Variants in FMN2 observed in about 807,000 individuals in gnomAD.
FMN2 encodes formin-2.
A neutral mutation model predicts 142.3 loss-of-function variants in FMN2; 51 were observed. That is an observed-to-expected ratio of 0.36 (90% CI 0.29 to 0.45). The LOEUF (loss-of-function observed/expected upper bound fraction) is 0.45. FMN2 is among the 20% of genes least tolerant of loss of function. FMN2 has a pLI of 1.00. For missense variants in FMN2, 1,936 were observed against 2,122.8 expected (o/e 0.91, Z 1.73); for synonymous variants, 882 against 869.8 (o/e 1.01, Z -0.25).
intron 6 of FMN2, among the ~76,000 whole-genome samples, chr1:240,244,343 T>G (rs1429750432): frequency 6.6e-6 from 1 of 152,212 alleles, no homozygotes; most frequent in Admixed American, 6.5e-5. Flanking sequence ...TTTTACTAGC[T>G]TGTAAGAAAT....
At chr1:240,383,085 A>G (rs1205449937) in intron 14 of FMN2, among the ~76,000 whole-genome samples, 1 of 152,178 alleles carries the variant, frequency 6.6e-6, no homozygotes, top group Non-Finnish European at 1.5e-5. Context: ...ACTGGACCCC[A>G]GTCTCTCACC....
At chr1:240,390,294 C>T (rs1673561321) in intron 14 of FMN2, among the ~76,000 whole-genome samples, 1 of 152,050 alleles carries the variant, frequency 6.6e-6, no homozygotes, top group African/African-American at 2.4e-5. Flanking sequence ...TCCAGTTTGT[C>T]TTTATGATTG....
rs1054810793 is a variant in FMN2, at chr1:240,174,148, A to C, written c.1783-3773A>C. Reference sequence around the variant, plus strand: ...TTTTACACATGAGGAACCGAAGCTCAGGCTTAGAAGCATGCTGTTGTGGCC... The same window carrying C: ...TTTTACACATGAGGAACCGAAGCTCCGGCTTAGAAGCATGCTGTTGTGGCC... On this transcript the variant is annotated intron_variant, in intron 2 of 17. Transcript: ENST00000319653. Among the ~76,000 whole-genome samples the C allele has an allele frequency of 3.3e-5, 5 of 152,184 alleles. No homozygotes were observed. In the East Asian group the frequency reaches 9.7e-4, roughly 29 times the overall value.
intron 16 of FMN2, among the ~76,000 whole-genome samples, chr1:240,442,708 A>G (rs1444063822): frequency 6.6e-6 from 1 of 152,242 alleles, no homozygotes; most frequent in Non-Finnish European, 1.5e-5. Flanking sequence ...GCGTCTGATT[A>G]CAGAGTGATA....
intron 13 of FMN2, among the ~76,000 whole-genome samples, chr1:240,354,365 C>T (rs1672196123): frequency 2.0e-5 from 3 of 152,110 alleles, no homozygotes; most frequent in Admixed American, 2.0e-4. Flanking sequence ...CCTGTTTTGG[C>T]TCAAGTTATG....
chr1:240,469,701 A>G (rs1224598583), intron 16 of FMN2, among the ~76,000 whole-genome samples: 1 of 152,160 alleles, frequency 6.6e-6, no homozygotes, highest in East Asian at 1.9e-4. Context: ...ATCTCTGTAA[A>G]CCCAGCCTTC....
At chr1:240,144,033 C>G (rs371627953) in intron 2 of FMN2, 6 of 1,133,958 alleles carry the variant, frequency 5.3e-6, no homozygotes, top group Admixed American at 1.7e-5. Flanking sequence ...TTCACTATGC[C>G]ACAGGCAAGA....
chr1:240,129,930 A>AT (rs1269306958), intron 2 of FMN2, among the ~76,000 whole-genome samples: 1 of 152,024 alleles, frequency 6.6e-6, no homozygotes, highest in Non-Finnish European at 1.5e-5. Context: ...TTCTTTCATA[A>AT]TACTTCTTTG....
At chr1:240,411,485 C>G (rs531146346) in intron 15 of FMN2, among the ~76,000 whole-genome samples, 1 of 151,574 alleles carries the variant, frequency 6.6e-6, no homozygotes, top group South Asian at 2.1e-4. Context: ...GCAGGAGAAT[C>G]GCTTGAACCT....
chr1:240,186,382 CACA>C (rs758341957), intron 3 of FMN2, among the ~76,000 whole-genome samples: 43 of 152,176 alleles, frequency 2.8e-4, no homozygotes, highest in Non-Finnish European at 4.7e-4. Context: ...ATGTGGGGGA[CACA>C]ACAAGAGGAA....
intron 13 of FMN2, among the ~76,000 whole-genome samples, chr1:240,353,660 A>G (rs1438586856): frequency 1.3e-5 from 2 of 152,188 alleles, no homozygotes; most frequent in African/African-American, 4.8e-5. Context: ...AATGTGGGCA[A>G]TCTCTTTGTA....
intron 15 of FMN2, among the ~76,000 whole-genome samples, chr1:240,397,582 CCTG>C (rs1673821824): frequency 6.6e-6 from 1 of 151,798 alleles, no homozygotes; most frequent in South Asian, 2.1e-4. Context: ...TTGAGACCAG[CCTG>C]GTCAACCAGC....
rs912906582 is a variant in FMN2 at position 240,235,278 on chromosome 1, T to C, written c.4066-22667T>C. ...GTGCATGGACGTCATCTTTGCACGATTAAATAGAAAGACTTCTAAGCCAAG... is the reference window on the plus strand; with the variant it reads ...GTGCATGGACGTCATCTTTGCACGACTAAATAGAAAGACTTCTAAGCCAAG... On this transcript the variant is annotated intron_variant, in intron 6 of 17. Transcript: ENST00000319653. 2.4e-4 allele frequency among the ~76,000 whole-genome samples: 36 copies of C among 152,336 alleles called. 1 individual carries two copies. The highest frequency in any genetic ancestry group is 3.9e-4 in the East Asian group (2 of 5,182).
intron 15 of FMN2, among the ~76,000 whole-genome samples, chr1:240,405,574 C>T (rs1195364850): frequency 2.0e-5 from 3 of 151,124 alleles, no homozygotes; most frequent in South Asian, 2.1e-4. Context: ...GCTGAGGTTG[C>T]GCCACTGCAC....
intron 4 of FMN2, among the ~76,000 whole-genome samples, chr1:240,193,985 A>G (rs1665813208): frequency 6.6e-6 from 1 of 151,996 alleles, no homozygotes; most frequent in Admixed American, 6.5e-5. Flanking sequence ...TATTTCCTGT[A>G]TGATTGGCTG....
At chr1:240,412,081 G>T (rs1024754350) in intron 15 of FMN2, among the ~76,000 whole-genome samples, 16 of 152,166 alleles carry the variant, frequency 1.1e-4, no homozygotes, top group Non-Finnish European at 1.8e-4. Context: ...TATTTGAGTT[G>T]CTGCTAGTGG....
At chr1:240,150,366 T>C (rs1198680655) in intron 2 of FMN2, among the ~76,000 whole-genome samples, 2 of 119,962 alleles carry the variant, frequency 1.7e-5, no homozygotes, top group Non-Finnish European at 3.9e-5. Flanking sequence ...TGATTATTGA[T>C]GAAACAAGAC....
chr1:240,361,186 A>AT (rs1672469324), intron 14 of FMN2, among the ~76,000 whole-genome samples: 1 of 82,226 alleles, frequency 1.2e-5, no homozygotes, highest in Non-Finnish European at 3.0e-5. Flanking sequence ...TATATATATA[A>AT]AAGAGTTTAA....
At chr1:240,219,085 G>T (rs753785787) in intron 6 of FMN2, among the ~76,000 whole-genome samples, 1 of 152,178 alleles carries the variant, frequency 6.6e-6, no homozygotes, top group Non-Finnish European at 1.5e-5. Context: ...AGGTTTCCGT[G>T]CAGCTCATTT....
Sources: allele counts gnomAD v4.1 joint callset (sites outside exome capture counted in the v4.1 genomes callset), GRCh38; gene constraint gnomAD v4.1.1; transcripts MANE v1.5; gene names NCBI Gene and HGNC (gene_info 2026-07-23, HGNC 2026-07-21).